The following CACNA2D4 variants were observed in gnomAD, a reference collection of about 807,000 sequenced individuals.
The protein encoded by CACNA2D4 is calcium voltage-gated channel auxiliary subunit alpha2delta 4.
Under a neutral mutation model 163.8 loss-of-function variants are expected in CACNA2D4, and 157 were observed. The ratio of observed to expected loss-of-function variants is 0.96; its 90% CI spans 0.84 to 1.09. The LOEUF (loss-of-function observed/expected upper bound fraction) is 1.09, where lower values mean the gene tolerates loss of function less well. Among genes scored for constraint, CACNA2D4 ranks in the 50% least tolerant of loss-of-function variants. The pLI is 0.00. For missense variants in CACNA2D4, 1,410 were observed against 1,479.9 expected (o/e 0.95, Z 0.78); for synonymous variants, 598 against 586.9 (o/e 1.02, Z -0.27).
At chr12:1,825,246 G>C (rs1312229918) in intron 26 of CACNA2D4, among the ~76,000 whole-genome samples, 5 of 152,192 alleles carry the variant, frequency 3.3e-5, no homozygotes, top group Admixed American at 6.5e-5. Flanking sequence ...ATGGGAGAGG[G>C]TGAGGTGGGA....
intron 18 of CACNA2D4, among the ~76,000 whole-genome samples, chr12:1,872,198 C>T (rs1479803220): frequency 2.0e-5 from 3 of 152,160 alleles, no homozygotes; most frequent in African/African-American, 7.2e-5. Context: ...GGGTCTTAGC[C>T]GTCTCCTGCA....
intron 13 of CACNA2D4, among the ~76,000 whole-genome samples, chr12:1,882,147 A>G (rs1170426643): frequency 6.6e-6 from 1 of 152,220 alleles, no homozygotes; most frequent in Admixed American, 6.5e-5. Context: ...TGAGGGCCAC[A>G]TGGCTGGGAC....
chr12:1,893,721 GA>G (rs1373227119), intron 6 of CACNA2D4, among the ~76,000 whole-genome samples: 1 of 151,990 alleles, frequency 6.6e-6, no homozygotes, highest in African/African-American at 2.4e-5. Context: ...AATGAAAATT[GA>G]AAAACAATAT....
chr12:1,854,204 C>G (rs1592712654), intron 22 of CACNA2D4, among the ~76,000 whole-genome samples, 160 bp from the exon 23 acceptor site: 1 of 152,196 alleles, frequency 6.6e-6, no homozygotes, highest in East Asian at 1.9e-4. Context: ...TCACCTCTGT[C>G]TGTCTTCACT....
At chr12:1,890,744 C>G (rs1866260653) in intron 6 of CACNA2D4, among the ~76,000 whole-genome samples, 1 of 152,222 alleles carries the variant, frequency 6.6e-6, no homozygotes, top group African/African-American at 2.4e-5. Flanking sequence ...ACAGGTCCAC[C>G]TGACCTGGCT....
chr12:1,856,172 C>G lies in CACNA2D4; in HGVS notation c.2054+12G>C. The G allele has an allele frequency of 6.2e-7, 1 of 1,613,998 alleles. No individual in the cohort carries two copies. Among genetic ancestry groups the G allele is most frequent in the South Asian group, 1.1e-5 (1 of 91,086 alleles). ...CCACCTGTCTCCCTCCCATTTTTTA[C>G]TCCTCACTTACCAGTCACCGGCCAG... On this transcript the variant is annotated intron_variant, in intron 21 of 37. Coordinates refer to ENST00000382722, the MANE Select transcript of CACNA2D4 (RefSeq NM_172364.5).
At chr12:1,902,041 T>C (rs1012975376) in intron 6 of CACNA2D4, among the ~76,000 whole-genome samples, 7 of 152,174 alleles carry the variant, frequency 4.6e-5, no homozygotes, top group Admixed American at 3.9e-4. Context: ...ATTTATTCCA[T>C]GCAAAGATGT....
intron 29 of CACNA2D4, among the ~76,000 whole-genome samples, chr12:1,809,107 T>G (rs74431964): frequency 0.013 from 1,981 of 152,304 alleles, 42 homozygotes; most frequent in African/African-American, 0.045. Context: ...GGAGTTAGAT[T>G]TCATGACCCA....
chr12:1,854,494 C>T (rs1165291624), intron 22 of CACNA2D4, among the ~76,000 whole-genome samples: 2 of 152,294 alleles, frequency 1.3e-5, no homozygotes, highest in East Asian at 1.9e-4. Flanking sequence ...CAACCTCCGC[C>T]TCCCAGGTTT....
chr12:1,858,015 G>C (rs1865437473), intron 20 of CACNA2D4, among the ~76,000 whole-genome samples: 1 of 152,224 alleles, frequency 6.6e-6, no homozygotes, highest in South Asian at 2.1e-4. Flanking sequence ...AGGAGCACCT[G>C]AGGCTCCTAG....
chr12:1,800,024 A>C lies in CACNA2D4; in HGVS notation c.2950T>G (p.Ser984Ala). 1 of 1,605,020 alleles carries C rather than the reference A, an allele frequency of 6.2e-7. No individual in the cohort carries two copies. The highest frequency in any genetic ancestry group is 8.5e-7 in the Non-Finnish European group (1 of 1,176,014). Reference protein sequence around the residue: ...LFLLEWSVWGSWYDRGAEAKS... With the variant: ...LFLLEWSVWGAWYDRGAEAKS... ...CCCTCGGCCCCTCTGTCGTACCAGG[A>C]GCCCCAGACACTCCACTCCAGCAGG... The change falls in exon 33 of 38, where the codon TCC (serine) becomes GCC (alanine). Residue 984 changes from serine (S) to alanine (A), a missense_variant. Transcript: ENST00000382722.
chr12:1,836,204 T>A (rs1401666149), intron 26 of CACNA2D4: 2 of 152,660 alleles, frequency 1.3e-5, no homozygotes, highest in Admixed American at 1.3e-4. Context: ...GCAGTGCAAG[T>A]TTTCCAGGTT....
intron 6 of CACNA2D4, among the ~76,000 whole-genome samples, chr12:1,902,952 T>C (rs1866570586): frequency 6.6e-6 from 1 of 152,140 alleles, no homozygotes; most frequent in African/African-American, 2.4e-5. Context: ...TAACATTACC[T>C]GACTTCAAAT....
At chr12:1,858,504 G>T in intron 20 of CACNA2D4, 73 bp downstream of exon 20, 1 of 1,347,948 alleles carries the variant, frequency 7.4e-7, no homozygotes, top group Non-Finnish European at 1.1e-6. Context: ...GGTTGGGGTT[G>T]GCCCTGCCCA....
intron 26 of CACNA2D4, among the ~76,000 whole-genome samples, chr12:1,815,097 G>A (rs1863832765): frequency 6.6e-6 from 1 of 152,164 alleles, no homozygotes; most frequent in African/African-American, 2.4e-5. Context: ...TCGCCATGCT[G>A]GCCAGGCTGG....
intron 23 of CACNA2D4, among the ~76,000 whole-genome samples, chr12:1,850,562 C>T (rs1452305917): frequency 1.3e-5 from 2 of 152,174 alleles, no homozygotes; most frequent in Non-Finnish European, 2.9e-5. Flanking sequence ...TTACCTTGCT[C>T]ATGTTTTTAT....
At position 1,834,305 on chromosome 12, in the gene CACNA2D4, G is replaced by A; in HGVS notation, c.2551+6434C>T. 1.2e-6 allele frequency: 2 copies of A among 1,604,986 alleles called. No homozygotes were observed. The highest frequency in any genetic ancestry group is 1.7e-6 in the Non-Finnish European group (2 of 1,174,912). On this transcript the variant is annotated intron_variant, in intron 26 of 37. Transcript: ENST00000382722. The surrounding 1 kb of genome is among the most constrained non-coding windows in gnomAD (Gnocchi z 7.6). The stretch of plus-strand genomic sequence containing the variant: ...CCAGCTTGCCTGCACCCTGCCCAAG[G>A]AGCTGAGGGGGAAGGACATGCGGAT...
At chr12:1,911,073 G>C (rs1439037460) in intron 3 of CACNA2D4, among the ~76,000 whole-genome samples, 1 of 146,278 alleles carries the variant, frequency 6.8e-6, no homozygotes, top group African/African-American at 2.6e-5. Flanking sequence ...ACCCAGGCTG[G>C]AGTGTGGTGG....
In CACNA2D4 at chr12:1,832,946, T is replaced by C. The variant is rs1864695755; in HGVS notation, c.2551+7793A>G. On this transcript the variant is annotated intron_variant, in intron 26 of 37. Coordinates refer to ENST00000382722, the MANE Select transcript of CACNA2D4 (RefSeq NM_172364.5). ...ATCCCTGTCAGCACCCAGCTTTGCA[T>C]CCCCAGGCAGCACTGATACGTGTTC... 2.6e-5 allele frequency among the ~76,000 whole-genome samples: 4 copies of C among 152,344 alleles called. No homozygotes were observed. The South Asian group carries it at 8.3e-4, about 32-fold the overall frequency.
Sources: allele counts gnomAD v4.1 joint callset (sites outside exome capture counted in the v4.1 genomes callset), GRCh38; gene constraint gnomAD v4.1.1; non-coding constraint Gnocchi (gnomAD v3.1); transcripts MANE v1.5; gene names NCBI Gene and HGNC (gene_info 2026-07-23, HGNC 2026-07-21).